The following MUTYH variants were observed in gnomAD, a reference collection of about 807,000 sequenced individuals.
The protein encoded by MUTYH is mutY DNA glycosylase, also known as adenine DNA glycosylase.
Under a neutral mutation model 72.9 loss-of-function variants are expected in MUTYH, and 64 were observed. That is an observed-to-expected ratio of 0.88 (90% CI 0.72 to 1.08). The LOEUF is 1.08. Among genes scored for constraint, MUTYH ranks in the 50% least tolerant of loss-of-function variants. The pLI is 0.00. For missense variants in MUTYH, 633 were observed against 671.0 expected, an observed-to-expected ratio of 0.94 and a Z score of 0.63; for synonymous variants, 234 against 263.1, an observed-to-expected ratio of 0.89 and a Z score of 1.07.
chr1:45,333,033 C>A (rs1645249327), intron 5 of MUTYH, 64 bp downstream of exon 5: 1 of 1,612,876 alleles, frequency 6.2e-7, no homozygotes, highest in Admixed American at 1.7e-5. Context: ...CTACACCCAC[C>A]CCAAAGTAGA....
rs3219490 is a variant in MUTYH at position 45,331,583 on chromosome 1, G to A, written c.1103-27C>T. On this transcript the variant is annotated intron_variant, in intron 12 of 15. Coordinates refer to ENST00000456914, the MANE Select transcript of MUTYH (RefSeq NM_001048174.2). ...TGAGAGGGAGGGCAGCCAGGCAGGG[G>A]TCAGGCCTCAGCTGCCGATTCCCTC... 6,862 of 1,613,578 alleles carry A rather than the reference G, an allele frequency of 4.3e-3. 17 individuals carry two copies. The highest frequency in any genetic ancestry group is 6.1e-3 in the Middle Eastern group (37 of 6,062).
chr1:45,338,153 A>G, intron 1 of MUTYH: 1 of 512,548 alleles, frequency 2.0e-6, no homozygotes, highest in Non-Finnish European at 3.8e-6. Context: ...GAAGTAAACC[A>G]GATGAGGTGG....
upstream of MUTYH, chr1:45,340,153 G>T: frequency 6.3e-7 from 1 of 1,593,744 alleles, no homozygotes; most frequent in East Asian, 2.3e-5. Flanking sequence ...CGACCCGACG[G>T]CGAGACCCCG....
At chr1:45,329,879 CGAA>C in intron 15 of MUTYH, 1 of 173,032 alleles carries the variant, frequency 5.8e-6, no homozygotes, top group Admixed American at 5.6e-5. Flanking sequence ...ATTTCTAGGA[CGAA>C]GATTACCAGC....
intron 1 of MUTYH, among the ~76,000 whole-genome samples, chr1:45,335,777 C>G (rs185414406): frequency 6.6e-6 from 1 of 152,048 alleles, no homozygotes; most frequent in South Asian, 2.1e-4. Flanking sequence ...TGCCACTGCA[C>G]AGCCTGGGCA....
chr1:45,334,722 G>A (rs982558126), intron 1 of MUTYH, among the ~76,000 whole-genome samples: 2 of 152,196 alleles, frequency 1.3e-5, no homozygotes, highest in African/African-American at 4.8e-5. Context: ...CAAGGGGGCC[G>A]GCGTTACAGC....
At position 45,331,754 on chromosome 1, in the gene MUTYH, T is replaced by C. The variant is rs2149127392; in HGVS notation, c.1009A>G (p.Lys337Glu). 1 of 1,613,988 alleles carries C rather than the reference T, an allele frequency of 6.2e-7. No individual in the cohort carries two copies. Among genetic ancestry groups the C allele is most frequent in the Non-Finnish European group, 8.5e-7 (1 of 1,179,936 alleles). ...GCAGAGCTCTCCTCCCTGGGGGGCT[T>C]GCGGCTGGCCTTTCTGGGGAAGTTG... Reference protein sequence around the residue: ...VVNFPRKASRKPPREESSATC... With the variant: ...VVNFPRKASREPPREESSATC... The change falls in exon 12 of 16, where the codon AAG (lysine) becomes GAG (glutamate). Residue 337 changes from lysine to glutamate, a missense_variant. Lys to Glu is a moderately conservative substitution (Grantham distance 56). Coordinates refer to ENST00000456914, the MANE Select transcript of MUTYH (RefSeq NM_001048174.2).
chr1:45,334,316 C>T lies in MUTYH; in HGVS notation c.115+75G>A, dbSNP rs149074041. The stretch of plus-strand genomic sequence containing the variant: ...TAGTAAGTCTCTTAATGTCTTGATA[C>T]GTATCACAATCCCTTCCCAGCCTGA... On this transcript the variant is annotated intron_variant, in intron 2 of 15. Coordinates refer to ENST00000456914, the MANE Select transcript of MUTYH (RefSeq NM_001048174.2). The T allele has an allele frequency of 3.0e-3, 4,835 of 1,601,700 alleles. 12 individuals carry two copies. The highest frequency in any genetic ancestry group is 3.8e-3 in the Non-Finnish European group (4,480 of 1,173,492).
At chr1:45,333,639 G>A in intron 2 of MUTYH, 78 bp from the exon 3 acceptor site, 1 of 1,576,584 alleles carries the variant, frequency 6.3e-7, no homozygotes, top group Non-Finnish European at 8.6e-7. Flanking sequence ...GCAGCCTGTG[G>A]CAGTATGCTC....
At chr1:45,330,652 T>A in intron 14 of MUTYH, 95 bp from the exon 15 acceptor site, 1 of 1,437,952 alleles carries the variant, frequency 7.0e-7, no homozygotes, top group Non-Finnish European at 9.6e-7. Flanking sequence ...TACTTTTGTT[T>A]AAAATATGCT....
chr1:45,329,269 C>T lies in MUTYH; in HGVS notation c.*37G>A, dbSNP rs1644334766. The T allele has an allele frequency of 6.2e-7, 1 of 1,612,366 alleles. No homozygotes were observed. The highest frequency in any genetic ancestry group is 1.7e-5 in the Admixed American group (1 of 60,002). ...ACTACAAAAATAAGCACTTTACTAACAACAGGATTCTCAGGGAATGGGGGC... is the reference window on the plus strand; with the variant it reads ...ACTACAAAAATAAGCACTTTACTAATAACAGGATTCTCAGGGAATGGGGGC... On this transcript the variant is annotated 3_prime_UTR_variant, in exon 16 of 16. Transcript: ENST00000456914.
chr1:45,333,761 G>T lies in MUTYH; in HGVS notation c.116-200C>A, dbSNP rs543316284. 3 of 303,032 alleles carry T rather than the reference G, an allele frequency of 9.9e-6. No homozygotes were observed. The South Asian group carries it at 3.8e-4, about 39-fold the overall frequency. The allele number at this position is 303,032 out of a possible 1,614,324, so 18.8% of individuals were successfully genotyped here. Reference sequence around the variant, plus strand: ...AGTTTCTGGCCTTAATTTTCTCAGGGTGGTACTACTGGCTTGTCTCTGAGC... The same window carrying T: ...AGTTTCTGGCCTTAATTTTCTCAGGTTGGTACTACTGGCTTGTCTCTGAGC... On this transcript the variant is annotated intron_variant, in intron 2 of 15. Coordinates refer to ENST00000456914, the MANE Select transcript of MUTYH (RefSeq NM_001048174.2).
chr1:45,329,473 G>C, intron 15 of MUTYH, 36 bp from the exon 16 acceptor site: 9 of 1,612,032 alleles, frequency 5.6e-6, no homozygotes, highest in Non-Finnish European at 7.6e-6. Flanking sequence ...CCTTGTAGTT[G>C]GGGGAGGGGG....
chr1:45,339,958 G>A lies in MUTYH; in HGVS notation c.-66C>T. On this transcript the variant is annotated 5_prime_UTR_variant, in exon 1 of 16. Transcript: ENST00000456914. Reference sequence around the variant, plus strand: ...GAGGCCCCGCGTTCCCGCCGCGAGAGCAGGAGAGAAAGATTACCTCCCGCG... The same window carrying A: ...GAGGCCCCGCGTTCCCGCCGCGAGAACAGGAGAGAAAGATTACCTCCCGCG... 6.6e-7 allele frequency: 1 copy of A among 1,508,178 alleles called. No homozygotes were observed. Among genetic ancestry groups the A allele is most frequent in the Non-Finnish European group, 8.9e-7 (1 of 1,119,812 alleles). 93.4% of individuals were successfully genotyped at this position (1,508,178 alleles called of 1,614,324 possible).
chr1:45,331,852 G>A lies in MUTYH; in HGVS notation c.914-3C>T, dbSNP rs764624847. 6.2e-7 allele frequency: 1 copy of A among 1,600,686 alleles called. No individual in the cohort carries two copies. Among genetic ancestry groups the A allele is most frequent in the South Asian group, 1.1e-5 (1 of 89,844 alleles). On this transcript the variant is annotated splice_polypyrimidine_tract_variant and splice_region_variant and intron_variant, in intron 11 of 15. Transcript: ENST00000456914. ...GTGGCACTGTCCAGTGTTGGGAGCT[G>A]GGAACGGAGATCCCCGAACCCTACT...
In MUTYH at chr1:45,333,186, T is replaced by C; in HGVS notation, c.305-16A>G. On this transcript the variant is annotated splice_polypyrimidine_tract_variant and intron_variant, in intron 4 of 15. Transcript: ENST00000456914. ...GAGACCCACACTGGGGGAAAGGGGT[T>C]GGCATGAGGACACTGCTGACCTGCC... The C allele has an allele frequency of 6.2e-7, 1 of 1,614,188 alleles. No individual in the cohort carries two copies. The highest frequency in any genetic ancestry group is 8.5e-7 in the Non-Finnish European group (1 of 1,180,022).
rs763940868 is a variant in MUTYH, at chr1:45,330,563, CAAG to C, written c.1393-9_1393-7del. The C allele has an allele frequency of 7.5e-6, 12 of 1,607,360 alleles. No homozygotes were observed. In the Admixed American group the frequency reaches 8.4e-5, roughly 11 times the overall value. On this transcript the variant is annotated splice_polypyrimidine_tract_variant and splice_region_variant and intron_variant, in intron 14 of 15. Coordinates refer to ENST00000456914, the MANE Select transcript of MUTYH (RefSeq NM_001048174.2). ...CCCTGATACACACGGAAAACCTAGA[CAAG>C]AAGACAGGGAGGTGAGGGCTGGCAC...
Position 45,332,657 on chromosome 1 carries a change from G to C in MUTYH, c.523C>G (p.Arg175Gly), listed in dbSNP as rs587780748. The change falls in exon 8 of 16, where the codon CGT becomes GGT. Residue 175 changes from arginine (R) to glycine (G), a missense_variant. By Grantham distance (125) the Arg-to-Gly change is moderately radical (BLOSUM62 -2). Coordinates refer to ENST00000456914, the MANE Select transcript of MUTYH (RefSeq NM_001048174.2). Reference protein sequence around the residue: ...VVEELGGHMPRTAETLQQLLP... With the variant: ...VVEELGGHMPGTAETLQQLLP... ...AGCTGCTGCAGGGTCTCTGCTGTAC[G>C]TGGCATGTGGCCCCCTAGCTCCTCT... The C allele has an allele frequency of 6.2e-7, 1 of 1,614,106 alleles. No homozygotes were observed.
At chr1:45,334,738 A>C (rs961468788) in intron 1 of MUTYH, among the ~76,000 whole-genome samples, 8 of 152,192 alleles carry the variant, frequency 5.3e-5, no homozygotes, top group Non-Finnish European at 1.0e-4. Context: ...ACAGCCCTGG[A>C]GACATGCAAA....
Sources: allele counts gnomAD v4.1 joint callset (sites outside exome capture counted in the v4.1 genomes callset), GRCh38; gene constraint gnomAD v4.1.1; transcripts MANE v1.5; gene names NCBI Gene and HGNC (gene_info 2026-07-23, HGNC 2026-07-21).